The following GPR39 variants were observed in gnomAD, a reference collection of about 807,000 sequenced individuals.
GPR39 encodes the protein G protein-coupled receptor 39.
Under a neutral mutation model 18.4 loss-of-function variants are expected in GPR39, and 23 were observed. The observed-to-expected ratio is 1.25, with a 90% confidence interval of 0.90 to 1.77. The LOEUF (loss-of-function observed/expected upper bound fraction) is 1.77, where lower values mean the gene tolerates loss of function less well. Among genes scored for constraint, GPR39 ranks in the 40% most tolerant of loss-of-function variants. The pLI is 0.00. For synonymous variants in GPR39, 280 were observed against 257.9 expected, an observed-to-expected ratio of 1.09 and a Z score of -0.82; for missense variants, 647 against 602.4, an observed-to-expected ratio of 1.07 and a Z score of -0.78.
Position 132,417,720 on chromosome 2 carries a change from C to T in GPR39, c.678C>T (p.Gly226=), listed in dbSNP as rs762980094. 3 of 1,614,188 alleles carry T rather than the reference C, an allele frequency of 1.9e-6. No homozygotes were observed. Among genetic ancestry groups the T allele is most frequent in the Non-Finnish European group, 2.5e-6 (3 of 1,180,034 alleles). The part of the protein sequence containing the change: ...RWTVFQSSIF[G]AFVVYLVVLL... The stretch of plus-strand genomic sequence containing the variant: ...CCGTGTTCCAGTCCAGCATCTTCGG[C>T]GCCTTCGTGGTCTACCTCGTGGTCC... The change falls in exon 1 of 2, where the codon GGC becomes GGT. Residue 226 remains glycine (G), a synonymous_variant. Coordinates refer to ENST00000329321, the MANE Select transcript of GPR39 (RefSeq NM_001508.3).
chr2:132,436,590 C>T (rs933404209), intron 1 of GPR39, among the ~76,000 whole-genome samples: 2 of 152,132 alleles, frequency 1.3e-5, no homozygotes, highest in Non-Finnish European at 2.9e-5. Flanking sequence ...GAGGTGCTCT[C>T]AGCACTTTAC....
chr2:132,641,043 C>G (rs947674667), intron 1 of GPR39, among the ~76,000 whole-genome samples: 1 of 152,114 alleles, frequency 6.6e-6, no homozygotes, highest in Admixed American at 6.5e-5. Flanking sequence ...AACTATCTTT[C>G]AAAACACAGG....
intron 1 of GPR39, among the ~76,000 whole-genome samples, chr2:132,421,495 G>A (rs1680007948): frequency 6.6e-6 from 1 of 152,092 alleles, no homozygotes; most frequent in Non-Finnish European, 1.5e-5. Flanking sequence ...CATCATAGAA[G>A]ATTCATAACT....
chr2:132,463,553 G>A lies in GPR39; in HGVS notation c.856+45655G>A, dbSNP rs116267904. Among the ~76,000 whole-genome samples the A allele has an allele frequency of 4.8e-3, 726 of 152,090 alleles. 5 individuals are homozygous for A. Among genetic ancestry groups the A allele is most frequent in the African/African-American group, 0.017 (688 of 41,472 alleles). On this transcript the variant is annotated intron_variant, in intron 1 of 1. Coordinates refer to ENST00000329321, the MANE Select transcript of GPR39 (RefSeq NM_001508.3). ...GCATCGATTTTGGTCTAGAGTCAGG[G>A]AAATTAATAGGGAAAGACAGGAGAA...
chr2:132,498,441 G>A (rs1256479094), intron 1 of GPR39, among the ~76,000 whole-genome samples: 1 of 152,094 alleles, frequency 6.6e-6, no homozygotes, highest in Non-Finnish European at 1.5e-5. Flanking sequence ...TAGTATTCAT[G>A]TATTTATATA....
At chr2:132,458,959 T>C (rs1303697876) in intron 1 of GPR39, among the ~76,000 whole-genome samples, 1 of 152,210 alleles carries the variant, frequency 6.6e-6, no homozygotes, top group Non-Finnish European at 1.5e-5. Context: ...CACCTGTTTC[T>C]CAGAATACAG....
At chr2:132,619,488 C>A (rs945657985) in intron 1 of GPR39, among the ~76,000 whole-genome samples, 1 of 152,140 alleles carries the variant, frequency 6.6e-6, no homozygotes, top group Admixed American at 6.5e-5. Context: ...AGTCACAGAA[C>A]GGCCAAGAAA....
intron 1 of GPR39, among the ~76,000 whole-genome samples, chr2:132,418,748 C>G (rs773130112): frequency 6.6e-6 from 1 of 152,234 alleles, no homozygotes; most frequent in East Asian, 1.9e-4. Flanking sequence ...GGCTGGGAGA[C>G]AAGGCTTTAA....
intron 1 of GPR39, among the ~76,000 whole-genome samples, chr2:132,491,427 T>C (rs947928733): frequency 6.6e-6 from 1 of 152,146 alleles, no homozygotes; most frequent in Non-Finnish European, 1.5e-5. Flanking sequence ...TTTGCCTACT[T>C]ATTCAAATGT....
chr2:132,454,301 G>A (rs1159329067), intron 1 of GPR39, among the ~76,000 whole-genome samples: 3 of 152,086 alleles, frequency 2.0e-5, no homozygotes, highest in Non-Finnish European at 4.4e-5. Context: ...ATGGTGTATA[G>A]GAATGCTTGT....
chr2:132,426,091 A>G (rs1680113441), intron 1 of GPR39, among the ~76,000 whole-genome samples: 1 of 152,200 alleles, frequency 6.6e-6, no homozygotes, highest in African/African-American at 2.4e-5. Context: ...CACATGGCCT[A>G]CCTTAGTTAT....
intron 1 of GPR39, among the ~76,000 whole-genome samples, chr2:132,558,387 T>C (rs1444351816): frequency 6.6e-6 from 1 of 152,102 alleles, no homozygotes; most frequent in Non-Finnish European, 1.5e-5. Flanking sequence ...ACACACCTCA[T>C]CCAGATACAC....
At chr2:132,570,425 A>G (rs1361709387) in intron 1 of GPR39, among the ~76,000 whole-genome samples, 1 of 152,026 alleles carries the variant, frequency 6.6e-6, no homozygotes, top group Non-Finnish European at 1.5e-5. Context: ...GCCCTCTACT[A>G]TATCTACTTC....
chr2:132,584,318 C>T (rs969317425), intron 1 of GPR39, among the ~76,000 whole-genome samples: 1 of 152,192 alleles, frequency 6.6e-6, no homozygotes, highest in Non-Finnish European at 1.5e-5. Flanking sequence ...GTGTTCCTCT[C>T]TCAGGCAAAC....
At chr2:132,443,769 A>G (rs894895660) in intron 1 of GPR39, among the ~76,000 whole-genome samples, 19 of 152,188 alleles carry the variant, frequency 1.2e-4, no homozygotes. Context: ...AACTTTAAAC[A>G]TATTTTTAAA....
intron 1 of GPR39, among the ~76,000 whole-genome samples, chr2:132,466,786 A>C (rs1016041782): frequency 6.6e-6 from 1 of 152,254 alleles, no homozygotes; most frequent in South Asian, 2.1e-4. Flanking sequence ...TTTTATTGCA[A>C]ATGTGTAGAG....
intron 1 of GPR39, among the ~76,000 whole-genome samples, chr2:132,584,994 C>A (rs1680699313): frequency 6.6e-6 from 1 of 152,170 alleles, no homozygotes; most frequent in South Asian, 2.1e-4. Context: ...TGCCCCCCAC[C>A]ATCAGGGCTG....
intron 1 of GPR39, among the ~76,000 whole-genome samples, chr2:132,550,651 A>G (rs1337650870): frequency 6.6e-6 from 1 of 152,206 alleles, no homozygotes; most frequent in Non-Finnish European, 1.5e-5. Flanking sequence ...TCGTTTACAT[A>G]GAATGTCAGA....
chr2:132,565,419 C>G (rs75666096), intron 1 of GPR39, among the ~76,000 whole-genome samples: 1 of 138,340 alleles, frequency 7.2e-6, no homozygotes, highest in Non-Finnish European at 1.6e-5. Context: ...TTTTATTATA[C>G]TTTAAGTTTT....
Sources: allele counts gnomAD v4.1 joint callset (sites outside exome capture counted in the v4.1 genomes callset), GRCh38; gene constraint gnomAD v4.1.1; transcripts MANE v1.5; gene names NCBI Gene and HGNC (gene_info 2026-07-23, HGNC 2026-07-21).